ANO3: variants seen among roughly 807,000 people sequenced by gnomAD.
ANO3 encodes anoctamin-3.
A neutral mutation model predicts 144.8 loss-of-function variants in ANO3; 99 were observed. The observed-to-expected ratio is 0.68, with a 90% CI of 0.58 to 0.81. ANO3 has a LOEUF of 0.81. Among genes scored for constraint, ANO3 ranks in the 30% least tolerant of loss-of-function variants. The pLI is 0.00. For synonymous variants in ANO3, 414 were observed against 392.6 expected (o/e 1.05, Z -0.64); for missense variants, 905 against 1,202.2 (o/e 0.75, Z 3.66).
intron 1 of ANO3, among the ~76,000 whole-genome samples, chr11:26,195,590 T>C (rs1210742034): frequency 1.3e-5 from 2 of 152,212 alleles, no homozygotes; most frequent in Non-Finnish European, 2.9e-5. Context: ...TAGATGGGCA[T>C]AGCTAAATTT....
chr11:26,401,767 C>T (rs966500384), intron 1 of ANO3, among the ~76,000 whole-genome samples: 2 of 151,984 alleles, frequency 1.3e-5, no homozygotes, highest in Non-Finnish European at 2.9e-5. Flanking sequence ...GTCCCAGCCA[C>T]TTAGGTGGCT....
At chr11:26,558,460 T>A (rs931780192) in intron 13 of ANO3, among the ~76,000 whole-genome samples, 5 of 152,168 alleles carry the variant, frequency 3.3e-5, no homozygotes, top group Admixed American at 2.6e-4. Context: ...CTGCTGGGTA[T>A]AATTTTATGA....
At chr11:26,477,738 G>A (rs1860038414) in intron 4 of ANO3, among the ~76,000 whole-genome samples, 1 of 152,074 alleles carries the variant, frequency 6.6e-6, no homozygotes, top group Non-Finnish European at 1.5e-5. Context: ...GGGAAACATT[G>A]GAATATGTAG....
chr11:26,274,767 T>C (rs777266580), intron 1 of ANO3, among the ~76,000 whole-genome samples: 3 of 152,094 alleles, frequency 2.0e-5, no homozygotes, highest in Non-Finnish European at 4.4e-5. Flanking sequence ...TCAAATAAAG[T>C]AAGCAGAGAT....
intron 1 of ANO3, among the ~76,000 whole-genome samples, chr11:26,231,131 C>T (rs530645250): frequency 6.6e-6 from 1 of 152,090 alleles, no homozygotes; most frequent in Admixed American, 6.6e-5. Context: ...CCCGCCTTGG[C>T]CTCCCAAAGT....
chr11:26,189,858 A>G (rs1263266854), intron 1 of ANO3, among the ~76,000 whole-genome samples: 2 of 152,198 alleles, frequency 1.3e-5, no homozygotes, highest in Admixed American at 6.6e-5. Context: ...TTAAATGTGA[A>G]GAATAATTTT....
chr11:26,562,857 T>G (rs1850348059), intron 14 of ANO3, among the ~76,000 whole-genome samples: 1 of 151,958 alleles, frequency 6.6e-6, no homozygotes, highest in Admixed American at 6.6e-5. Flanking sequence ...TATACATATG[T>G]TTAGATTCTT....
At chr11:26,378,043 A>G (rs1399936091) in intron 1 of ANO3, among the ~76,000 whole-genome samples, 1 of 152,048 alleles carries the variant, frequency 6.6e-6, no homozygotes, top group African/African-American at 2.4e-5. Context: ...GGACAGTATA[A>G]AGCATTATAT....
intron 1 of ANO3, among the ~76,000 whole-genome samples, chr11:26,304,008 C>T (rs530178734): frequency 2.0e-4 from 31 of 152,142 alleles, no homozygotes; most frequent in Admixed American, 9.8e-4. Context: ...CCATCGTGCA[C>T]GGCCAAAATT....
intron 1 of ANO3, among the ~76,000 whole-genome samples, chr11:26,362,695 G>A (rs955125849): frequency 2.0e-5 from 3 of 152,068 alleles, no homozygotes; most frequent in Admixed American, 6.6e-5. Flanking sequence ...AGCATAAAAT[G>A]CACTTCTTTT....
At chr11:26,300,241 TAC>T (rs1220691970) in intron 1 of ANO3, among the ~76,000 whole-genome samples, 1 of 151,738 alleles carries the variant, frequency 6.6e-6, no homozygotes, top group African/African-American at 2.4e-5. Context: ...GACACACGCA[TAC>T]ACAGAGACAC....
At chr11:26,263,305 G>A (rs1002578851) in intron 1 of ANO3, among the ~76,000 whole-genome samples, 1 of 152,198 alleles carries the variant, frequency 6.6e-6, no homozygotes, top group Admixed American at 6.5e-5. Flanking sequence ...TCGAAGACTA[G>A]AGGGCAGAAG....
intron 1 of ANO3, among the ~76,000 whole-genome samples, chr11:26,387,239 T>G (rs1424599120): frequency 6.6e-6 from 1 of 151,552 alleles, no homozygotes; most frequent in African/African-American, 2.4e-5. Flanking sequence ...CCTAAAGTGC[T>G]GGGATTACAG....
At chr11:26,285,061 G>A (rs1429260621) in intron 1 of ANO3, among the ~76,000 whole-genome samples, 1 of 152,044 alleles carries the variant, frequency 6.6e-6, no homozygotes, top group Non-Finnish European at 1.5e-5. Flanking sequence ...TTCCACTAGG[G>A]GGAGCTACCA....
chr11:26,318,899 C>T (rs1041709682), intron 1 of ANO3, among the ~76,000 whole-genome samples: 1 of 152,160 alleles, frequency 6.6e-6, no homozygotes, highest in Non-Finnish European at 1.5e-5. Flanking sequence ...TTTACCCATA[C>T]ATATACATAA....
intron 4 of ANO3, among the ~76,000 whole-genome samples, chr11:26,482,674 G>A (rs1245729994): frequency 6.6e-6 from 1 of 152,126 alleles, no homozygotes; most frequent in East Asian, 1.9e-4. Flanking sequence ...TATATTGCTA[G>A]TGGTGAAGCC....
At chr11:26,591,430 GA>G in intron 14 of ANO3, among the ~76,000 whole-genome samples, 1 of 152,256 alleles carries the variant, frequency 6.6e-6, no homozygotes, top group Middle Eastern at 3.4e-3. Context: ...TCCATTTGAA[GA>G]ACCATTTGTA....
rs1268969995 is a variant in ANO3, at chr11:26,345,518, C to T, written c.46+13197C>T. 2.0e-5 allele frequency among the ~76,000 whole-genome samples: 3 copies of T among 152,294 alleles called. No individual in the cohort carries two copies. In the East Asian group the frequency reaches 5.8e-4, roughly 29 times the overall value. On this transcript the variant is annotated intron_variant, in intron 1 of 26. Transcript: ENST00000256737. ...AGTGAGCTGAGATCATGCCATTGAACTCCAGCCTGGGCAACAGAGTGAGAC... is the reference window on the plus strand; with the variant it reads ...AGTGAGCTGAGATCATGCCATTGAATTCCAGCCTGGGCAACAGAGTGAGAC...
intron 1 of ANO3, among the ~76,000 whole-genome samples, chr11:26,347,673 G>A (rs1855530909): frequency 6.6e-6 from 1 of 152,062 alleles, no homozygotes; most frequent in African/African-American, 2.4e-5. Flanking sequence ...AGGACAGGGT[G>A]GTAAATTTTT....
Sources: allele counts gnomAD v4.1 joint callset (sites outside exome capture counted in the v4.1 genomes callset), GRCh38; gene constraint gnomAD v4.1.1; transcripts MANE v1.5; gene names NCBI Gene and HGNC (gene_info 2026-07-23, HGNC 2026-07-21).